The following SH3BP1 variants were observed in gnomAD, a reference collection of about 807,000 sequenced individuals.
SH3BP1 encodes the protein SH3 domain binding protein 1, also known as SH3 domain-binding protein 1.
In SH3BP1, 46 loss-of-function variants were observed where a neutral mutation model predicts 69.8. The ratio of observed to expected loss-of-function variants is 0.66; its 90% confidence interval spans 0.52 to 0.84. SH3BP1 has a LOEUF of 0.84. Among genes scored for constraint, SH3BP1 ranks in the 40% least tolerant of loss-of-function variants. SH3BP1 has a pLI of 0.00. For synonymous variants in SH3BP1, 403 were observed against 378.0 expected, an observed-to-expected ratio of 1.07 and a Z score of -0.77; for missense variants, 868 against 930.9, an observed-to-expected ratio of 0.93 and a Z score of 0.88.
chr22:37,654,553 A>T (rs1280745164), intron 17 of SH3BP1, among the ~76,000 whole-genome samples: 1 of 151,914 alleles, frequency 6.6e-6, no homozygotes, highest in Non-Finnish European at 1.5e-5. Context: ...CCTGGGTGAC[A>T]AGAATGAGAC....
At chr22:37,645,575 C>T in intron 10 of SH3BP1, 65 bp downstream of exon 10, 2 of 1,529,946 alleles carry the variant, frequency 1.3e-6, no homozygotes, top group Non-Finnish European at 1.8e-6. Flanking sequence ...AAACCGCCCA[C>T]TTGCTGCCCT....
rs781450381 is a variant in SH3BP1, at chr22:37,655,276, G to T, written c.1698G>T (p.Lys566Asn). ...CACCCTTTCCTTCCTCAACAGCCAAGCGCCCGGCGCCAGCCCGGCCCACCA... is the reference window on the plus strand; with the variant it reads ...CACCCTTTCCTTCCTCAACAGCCAATCGCCCGGCGCCAGCCCGGCCCACCA... ...APVEDMARRTKRPAPARPTMP... is the reference protein window; with the variant it reads ...APVEDMARRTNRPAPARPTMP... Residue 566 changes from lysine (K) to asparagine (N), a missense_variant, in exon 18 of 18, where the codon AAG becomes AAT. This residue lies in a region of SH3BP1 where 474 missense variants were observed against 462.3 expected (regional missense o/e 1.03). Transcript: ENST00000649765. The T allele has an allele frequency of 1.3e-6, 2 of 1,586,210 alleles. No homozygotes were observed. Among genetic ancestry groups the T allele is most frequent in the Non-Finnish European group, 1.7e-6 (2 of 1,169,580 alleles).
intron 10 of SH3BP1, 85 bp downstream of exon 10, chr22:37,645,595 C>G: frequency 3.4e-6 from 5 of 1,452,466 alleles, no homozygotes; most frequent in Non-Finnish European, 4.7e-6. Flanking sequence ...TTTCCGGGTG[C>G]CTGTAATTCC....
At chr22:37,643,441 G>T (rs1932687351) in intron 6 of SH3BP1, 7 of 706,544 alleles carry the variant, frequency 9.9e-6, no homozygotes, top group Non-Finnish European at 1.6e-5. Context: ...CCCCTCTGTG[G>T]AGTGGCTGTG....
Position 37,649,515 on chromosome 22 carries a change from G to A in SH3BP1, c.1317-637G>A, listed in dbSNP as rs895396860. Among the ~76,000 whole-genome samples the A allele has an allele frequency of 1.1e-4, 16 of 152,120 alleles. No homozygotes were observed. The Middle Eastern group carries it at 0.01, about 97-fold the overall frequency. On this transcript the variant is annotated intron_variant, in intron 14 of 17. Coordinates refer to ENST00000649765, the MANE Select transcript of SH3BP1 (RefSeq NM_018957.6). The stretch of plus-strand genomic sequence containing the variant: ...AATGAAGAAATAGGCCGGGGGCAGC[G>A]GCTCACAGCTGTAATCCCAGCACTT...
intron 10 of SH3BP1, 35 bp from the exon 11 acceptor site, chr22:37,646,783 C>T (rs1343363754): frequency 9.3e-6 from 13 of 1,390,434 alleles, no homozygotes; most frequent in African/African-American, 2.9e-5. Flanking sequence ...CTGCCCACCC[C>T]TCTGTGACCC....
rs1368322915 is a variant in SH3BP1 at position 37,643,647 on chromosome 22, C to T, written c.477C>T (p.Leu159=). 10 of 1,614,134 alleles carry T rather than the reference C, an allele frequency of 6.2e-6. No individual in the cohort carries two copies. Among genetic ancestry groups the T allele is most frequent in the Non-Finnish European group, 8.5e-6 (10 of 1,180,026 alleles). The part of the protein sequence containing the change: ...VSDWNTLKSR[L]SQATKNSGSS... ...CTCACCTTGGGATCATCTCCAGGCT[C>T]AGTCAGGCAACCAAGAATTCAGGCA... is the stretch of plus-strand genomic sequence containing the variant. The change falls in exon 7 of 18, where the codon CTC becomes CTT. Residue 159 remains leucine, a synonymous_variant. Transcript: ENST00000649765.
At chr22:37,647,197 G>T in intron 11 of SH3BP1, 70 bp from the exon 12 acceptor site, 1 of 1,367,302 alleles carries the variant, frequency 7.3e-7, no homozygotes, top group Non-Finnish European at 1.0e-6. Context: ...AGGGCCGGAG[G>T]TTCCTTCTAC....
At chr22:37,645,170 G>A in intron 9 of SH3BP1, 195 bp from the exon 10 acceptor site, 2 of 853,766 alleles carry the variant, frequency 2.3e-6, no homozygotes, top group Middle Eastern at 3.5e-4. Flanking sequence ...GAGGCAGAAG[G>A]AGGCAACGGT....
At position 37,655,903 on chromosome 22, in the gene SH3BP1, C is replaced by A. The variant is rs995879351; in HGVS notation, c.*219C>A. 2 of 1,564,088 alleles carry A rather than the reference C, an allele frequency of 1.3e-6. No individual in the cohort carries two copies. The highest frequency in any genetic ancestry group is 2.7e-5 in the African/African-American group (2 of 74,194). On this transcript the variant is annotated 3_prime_UTR_variant, in exon 18 of 18. Transcript: ENST00000649765. ...CACCCTGGGCTTGGGGACCCCCCCA[C>A]CGGACTCTCCACTCTCCGGCAGGTC...
Position 37,655,901 on chromosome 22 carries a change from C to A in SH3BP1, c.*217C>A. ...TCCACCCTGGGCTTGGGGACCCCCCCACCGGACTCTCCACTCTCCGGCAGG... is the reference window on the plus strand; with the variant it reads ...TCCACCCTGGGCTTGGGGACCCCCCAACCGGACTCTCCACTCTCCGGCAGG... On this transcript the variant is annotated 3_prime_UTR_variant, in exon 18 of 18. Transcript: ENST00000649765. 6.4e-7 allele frequency: 1 copy of A among 1,563,360 alleles called. No homozygotes were observed. The highest frequency in any genetic ancestry group is 1.1e-5 in the South Asian group (1 of 86,996).
At chr22:37,650,422 G>C (rs567743215) in intron 15 of SH3BP1, 120 bp from the exon 16 acceptor site, 51 of 1,493,842 alleles carry the variant, frequency 3.4e-5, no homozygotes, top group East Asian at 2.6e-4. Flanking sequence ...AGGCTCACAC[G>C]GGAGTGGGGA....
intron 1 of SH3BP1, 155 bp from the exon 2 acceptor site, chr22:37,640,971 A>C (rs1932561889): frequency 1.6e-6 from 1 of 641,034 alleles, no homozygotes; most frequent in East Asian, 2.7e-5. Context: ...ACTGGGATGA[A>C]GCAACTGGGC....
rs1374077736 is a variant in SH3BP1, at chr22:37,647,244, CCCT to C, written c.1037-20_1037-18del. On this transcript the variant is annotated intron_variant, in intron 11 of 17. Coordinates refer to ENST00000649765, the MANE Select transcript of SH3BP1 (RefSeq NM_018957.6). ...GAGAGCGGGTGGGGGCTGCCTCTGACCCTCCCCACACCCCTCCTTCAGGTGCCC... is the reference window on the plus strand; with the variant it reads ...GAGAGCGGGTGGGGGCTGCCTCTGACCCCCACACCCCTCCTTCAGGTGCCC... 1 of 1,609,702 alleles carries C rather than the reference CCCT, an allele frequency of 6.2e-7. No homozygotes were observed. The highest frequency in any genetic ancestry group is 1.1e-5 in the South Asian group (1 of 90,988).
At chr22:37,652,825 CAAAAAAA>C (rs34342757) in intron 16 of SH3BP1, among the ~76,000 whole-genome samples, 4 of 97,842 alleles carry the variant, frequency 4.1e-5, no homozygotes, top group South Asian at 3.3e-4. Flanking sequence ...AACTCCATCT[CAAAAAAA>C]AAAAAAAAAA....
intron 10 of SH3BP1, among the ~76,000 whole-genome samples, chr22:37,645,914 GCTGCT>G (rs1932778608): frequency 6.6e-6 from 1 of 151,068 alleles, no homozygotes; most frequent in Non-Finnish European, 1.5e-5. Flanking sequence ...ACAGTTCTGC[GCTGCT>G]CAGCAATCCT....
chr22:37,655,525 A>G lies in SH3BP1; in HGVS notation c.1947A>G (p.Pro649=). 2 of 1,489,718 alleles carry G rather than the reference A, an allele frequency of 1.3e-6. No individual in the cohort carries two copies. The highest frequency in any genetic ancestry group is 2.0e-5 in the Admixed American group (1 of 50,864). 92.3% of individuals were successfully genotyped at this position (1,489,718 alleles called of 1,614,324 possible). Residue 649 remains proline (P), a synonymous_variant, in exon 18 of 18, where the codon CCA becomes CCG. Coordinates refer to ENST00000649765, the MANE Select transcript of SH3BP1 (RefSeq NM_018957.6). The part of the protein sequence containing the change: ...PASPSPASPG[P]ASPSPVSLSN... ...CCCCCAGCCCGGCCTCCCCAGGTCCAGCCTCCCCCAGCCCAGTCTCTTTGA... is the reference window on the plus strand; with the variant it reads ...CCCCCAGCCCGGCCTCCCCAGGTCCGGCCTCCCCCAGCCCAGTCTCTTTGA...
Position 37,653,759 on chromosome 22 carries a change from T to C in SH3BP1, c.1599-20T>C. On this transcript the variant is annotated intron_variant, in intron 16 of 17. Coordinates refer to ENST00000649765, the MANE Select transcript of SH3BP1 (RefSeq NM_018957.6). ...CTGGGAGGTGGCTAAGTCTGCCCCA[T>C]CCTCTCCTTCCCTCTGCAGGACAGA... 6.3e-7 allele frequency: 1 copy of C among 1,585,746 alleles called. No individual in the cohort carries two copies. Among genetic ancestry groups the C allele is most frequent in the Non-Finnish European group, 8.6e-7 (1 of 1,156,104 alleles).
chr22:37,645,920 C>T (rs1402480273), intron 10 of SH3BP1, among the ~76,000 whole-genome samples: 4 of 151,482 alleles, frequency 2.6e-5, no homozygotes, highest in Non-Finnish European at 5.9e-5. Flanking sequence ...CTGCGCTGCT[C>T]AGCAATCCTG....
Sources: gnomAD v4.1 joint callset for allele counts (sites outside exome capture counted in the v4.1 genomes callset) on GRCh38, gnomAD v4.1.1 for gene constraint, gnomAD v4.1.1 regional missense constraint, MANE v1.5 for transcripts, NCBI Gene and HGNC (gene_info 2026-07-23, HGNC 2026-07-21) for gene names.